Variants in RIMBP2 observed in about 807,000 individuals in gnomAD.
RIMBP2 encodes RIMS binding protein 2.
A neutral mutation model predicts 118.6 loss-of-function variants in RIMBP2; 48 were observed. That is an observed-to-expected ratio of 0.40 (90% confidence interval 0.32 to 0.51). RIMBP2 has a LOEUF of 0.51. RIMBP2 is among the 20% of genes least tolerant of loss of function. The pLI is 0.41. For synonymous variants in RIMBP2, 762 were observed against 742.9 expected, an observed-to-expected ratio of 1.03 and a Z score of -0.42; for missense variants, 1,551 against 1,768.3, an observed-to-expected ratio of 0.88 and a Z score of 2.20.
chr12:130,409,807 G>T (rs753062054), intron 19 of RIMBP2, among the ~76,000 whole-genome samples: 1 of 152,198 alleles, frequency 6.6e-6, no homozygotes, highest in Admixed American at 6.5e-5. Flanking sequence ...CACCTGAGTT[G>T]TTTCCAGATT....
chr12:130,422,279 T>C lies in RIMBP2; in HGVS notation c.3238+174A>G, dbSNP rs2076463933. Among the ~76,000 whole-genome samples, 1 of 152,236 alleles carries C rather than the reference T, an allele frequency of 6.6e-6. No individual in the cohort carries two copies. The highest frequency in any genetic ancestry group is 2.1e-4 in the South Asian group (1 of 4,830). ...GGCCAATTTGATATTTCAAGAATAC[T>C]TACAAATAGCTTTCATTTATCTTGT... On this transcript the variant is annotated intron_variant, in intron 17 of 22. Transcript: ENST00000690449. The surrounding 1 kb of genome is among the most constrained non-coding windows in gnomAD (Gnocchi z 5.2).
intron 2 of RIMBP2, among the ~76,000 whole-genome samples, chr12:130,532,139 T>G (rs7964754): frequency 1.6e-3 from 182 of 112,994 alleles, no homozygotes; most frequent in Non-Finnish European, 1.8e-3. Context: ...CCTCTAGGAG[T>G]TACGTCTAAT....
intron 2 of RIMBP2, among the ~76,000 whole-genome samples, chr12:130,591,770 C>T (rs1289873524): frequency 1.3e-5 from 2 of 152,230 alleles, no homozygotes; most frequent in African/African-American, 2.4e-5. Context: ...CTGCAAAGAC[C>T]CTTTTTCCAA....
chr12:130,438,351 C>CCCCCCAAA lies in RIMBP2; in HGVS notation c.1656+13_1656+14insTTTGGGGG. The CCCCCCAAA allele has an allele frequency of 6.3e-7, 1 of 1,589,874 alleles. No homozygotes were observed. Reference sequence around the variant, plus strand: ...GCCTAACAAACCCTCCCCACCCACCCAACGAAAACTCACCCTCTGCCCTTT... The same window carrying CCCCCCAAA: ...GCCTAACAAACCCTCCCCACCCACCCCCCCCAAAAACGAAAACTCACCCTCTGCCCTTT... On this transcript the variant is annotated intron_variant, in intron 12 of 22. Coordinates refer to ENST00000690449, the MANE Select transcript of RIMBP2 (RefSeq NM_001393629.1).
chr12:130,496,474 C>T (rs186548281), intron 4 of RIMBP2, among the ~76,000 whole-genome samples: 15 of 152,244 alleles, frequency 9.9e-5, no homozygotes, highest in African/African-American at 2.2e-4. Flanking sequence ...GTCCTCACTC[C>T]GGTCTCAGCA....
intron 2 of RIMBP2, among the ~76,000 whole-genome samples, chr12:130,562,280 G>C (rs2056878382): frequency 6.6e-6 from 1 of 152,208 alleles, no homozygotes; most frequent in Non-Finnish European, 1.5e-5. Flanking sequence ...ATTCTTAATA[G>C]AGTGGAGTTT....
intron 1 of RIMBP2, among the ~76,000 whole-genome samples, chr12:130,705,333 C>A (rs1285063161): frequency 6.6e-6 from 1 of 152,216 alleles, no homozygotes; most frequent in African/African-American, 2.4e-5. Context: ...AGCCTCCCGG[C>A]CAGTCACCAC....
At chr12:130,568,568 G>A (rs762117774) in intron 2 of RIMBP2, among the ~76,000 whole-genome samples, 2 of 152,204 alleles carry the variant, frequency 1.3e-5, no homozygotes, top group Non-Finnish European at 2.9e-5. Context: ...AGAAGCAATG[G>A]AGAGACAAGC....
At chr12:130,403,682 G>GA (rs35861435) in intron 21 of RIMBP2, among the ~76,000 whole-genome samples, 143,345 of 152,164 alleles carry the variant, frequency 0.94, 68,094 homozygotes, top group East Asian at 1. Context: ...CTAAAGCATA[G>GA]AAAAAGGTTG....
At chr12:130,438,100 A>T (rs910378468) in intron 12 of RIMBP2, among the ~76,000 whole-genome samples, 1 of 152,194 alleles carries the variant, frequency 6.6e-6, no homozygotes, top group Non-Finnish European at 1.5e-5. Flanking sequence ...ATGTTCTGAC[A>T]CTAGGGGTCC....
intron 1 of RIMBP2, among the ~76,000 whole-genome samples, chr12:130,674,984 C>T (rs899813908): frequency 6.6e-6 from 1 of 152,180 alleles, no homozygotes; most frequent in African/African-American, 2.4e-5. Flanking sequence ...GTGGATGGAA[C>T]ACATTCACGT....
intron 2 of RIMBP2, among the ~76,000 whole-genome samples, chr12:130,602,335 C>T (rs1693631291): frequency 6.6e-6 from 1 of 152,234 alleles, no homozygotes; most frequent in Non-Finnish European, 1.5e-5. Flanking sequence ...TTATCCATTT[C>T]AGCTCTGAGG....
intron 2 of RIMBP2, among the ~76,000 whole-genome samples, chr12:130,605,933 T>C (rs1206351953): frequency 1.3e-5 from 2 of 151,970 alleles, no homozygotes; most frequent in Non-Finnish European, 2.9e-5. Flanking sequence ...CCAGGCATGG[T>C]GGTGGGAGCC....
intron 1 of RIMBP2, among the ~76,000 whole-genome samples, chr12:130,642,293 TG>T (rs1174501303): frequency 4.8e-4 from 15 of 31,346 alleles, no homozygotes; most frequent in Middle Eastern, 0.024. Context: ...TTTTGTTTTG[TG>T]TTTTTTTGAG....
chr12:130,654,373 C>T (rs1487326116), intron 1 of RIMBP2, among the ~76,000 whole-genome samples: 1 of 152,232 alleles, frequency 6.6e-6, no homozygotes, highest in Non-Finnish European at 1.5e-5. Context: ...AGATACAATG[C>T]AGCCAGGTTC....
intron 1 of RIMBP2, among the ~76,000 whole-genome samples, chr12:130,648,296 G>T (rs1402953327): frequency 6.9e-6 from 1 of 145,318 alleles, no homozygotes; most frequent in Non-Finnish European, 1.6e-5. Flanking sequence ...CTAAAAACAT[G>T]GTTTTTTGAC....
Position 130,422,795 on chromosome 12 carries a change from T to C in RIMBP2, c.3130-234A>G, listed in dbSNP as rs143413974. 8.4e-4 allele frequency among the ~76,000 whole-genome samples: 128 copies of C among 152,280 alleles called. No individual in the cohort carries two copies. Among genetic ancestry groups the C allele is most frequent in the African/African-American group, 2.9e-3 (122 of 41,558 alleles). ...GTGGGGTGAGGGCAAAAATAATTCC[T>C]TGTGGGGGGGTCTCTTTTGGTTGCT... is the stretch of plus-strand genomic sequence containing the variant. On this transcript the variant is annotated intron_variant, in intron 16 of 22. Coordinates refer to ENST00000690449, the MANE Select transcript of RIMBP2 (RefSeq NM_001393629.1). This position sits in a 1 kb window ranked among gnomAD's most constrained non-coding sequence, Gnocchi z 5.2.
chr12:130,414,017 G>T, intron 18 of RIMBP2, 108 bp downstream of exon 18: 1 of 1,188,048 alleles, frequency 8.4e-7, no homozygotes, highest in South Asian at 1.3e-5. Context: ...CCCATGGCCT[G>T]CAGGAGAAGG....
chr12:130,569,209 C>T (rs1006570015), intron 2 of RIMBP2, among the ~76,000 whole-genome samples: 2 of 152,208 alleles, frequency 1.3e-5, no homozygotes, highest in Non-Finnish European at 2.9e-5. Context: ...CTAAGTGAAC[C>T]GTGTCACCAC....
Sources: gnomAD v4.1 joint callset for allele counts (sites outside exome capture counted in the v4.1 genomes callset) on GRCh38, gnomAD v4.1.1 for gene constraint, Gnocchi (gnomAD v3.1) non-coding constraint, MANE v1.5 for transcripts, NCBI Gene and HGNC (gene_info 2026-07-23, HGNC 2026-07-21) for gene names.